The following GNRHR variants were observed in gnomAD, a reference collection of about 807,000 sequenced individuals.
The protein encoded by GNRHR is gonadotropin-releasing hormone receptor.
GNRHR carries 14 observed loss-of-function variants against 28.1 expected under a neutral mutation model. The ratio of observed to expected loss-of-function variants is 0.50; its 90% CI spans 0.33 to 0.78. The LOEUF is 0.78. GNRHR is among the 30% of genes least tolerant of loss of function. The pLI, the probability that GNRHR is intolerant of heterozygous loss-of-function variation, is 0.02. For missense variants in GNRHR, 366 were observed against 382.1 expected, an observed-to-expected ratio of 0.96 and a Z score of 0.35; for synonymous variants, 141 against 140.5, an observed-to-expected ratio of 1.00 and a Z score of -0.02.
At chr4:67,743,186 A>G (rs918704401) in intron 2 of GNRHR, among the ~76,000 whole-genome samples, 3 of 152,128 alleles carry the variant, frequency 2.0e-5, no homozygotes, top group Non-Finnish European at 4.4e-5. Flanking sequence ...TCCTGACTGC[A>G]GGTGGTCCAC....
At chr4:67,752,890 C>G (rs1297760299) in intron 1 of GNRHR, among the ~76,000 whole-genome samples, 3 of 151,924 alleles carry the variant, frequency 2.0e-5, no homozygotes, top group Non-Finnish European at 4.4e-5. Context: ...TTTGGAGGAT[C>G]CTAGTTAATT....
intron 1 of GNRHR, among the ~76,000 whole-genome samples, chr4:67,749,727 C>T (rs540968864): frequency 5.3e-5 from 8 of 151,008 alleles, no homozygotes; most frequent in African/African-American, 1.5e-4. Flanking sequence ...TCCTTCCTTC[C>T]GTCTTTCCCC....
intron 1 of GNRHR, among the ~76,000 whole-genome samples, chr4:67,752,839 TA>T (rs992238642): frequency 4.0e-5 from 6 of 151,552 alleles, no homozygotes; most frequent in Admixed American, 1.3e-4. Flanking sequence ...ATCTGGTCAG[TA>T]AAAAAAAGTC....
intron 1 of GNRHR, among the ~76,000 whole-genome samples, chr4:67,748,623 G>T (rs996473405): frequency 6.6e-6 from 1 of 151,852 alleles, no homozygotes; most frequent in Non-Finnish European, 1.5e-5. Flanking sequence ...GTAGTTAAAA[G>T]AGCTGGCTGC....
At position 67,740,597 on chromosome 4, in the gene GNRHR, A is replaced by G. The variant is rs1731640048; in HGVS notation, c.870T>C (p.Tyr290=). ...TGTTTAACATTTCAGGATCAAACCA[A>G]TACCAAATTCCTAGGACATAGTAGG... ...WTPYYVLGIW[Y]WFDPEMLNRL... Residue 290 remains tyrosine, a synonymous_variant, in exon 3 of 3, where the codon TAT becomes TAC. Coordinates refer to ENST00000226413, the MANE Select transcript of GNRHR (RefSeq NM_000406.3). The G allele has an allele frequency of 6.2e-7, 1 of 1,613,226 alleles. No individual in the cohort carries two copies. Among genetic ancestry groups the G allele is most frequent in the Non-Finnish European group, 8.5e-7 (1 of 1,179,160 alleles).
rs1731919196 is a variant in GNRHR, at chr4:67,753,947, A to C, written c.389T>G (p.Phe130Cys). 1 of 1,613,894 alleles carries C rather than the reference A, an allele frequency of 6.2e-7. No individual in the cohort carries two copies. Among genetic ancestry groups the C allele is most frequent in the African/African-American group, 1.3e-5 (1 of 74,906 alleles). Reference protein sequence around the residue: ...LKLFSMYAPAFMMVVISLDRS... With the variant: ...LKLFSMYAPACMMVVISLDRS... ...GTCCAGGCTGATCACCACCATCATG[A>C]AGGCTGGGGCATACATGGAGAAAAG... is the stretch of plus-strand genomic sequence containing the variant. The change falls in exon 1 of 3, where the codon TTC becomes TGC. Residue 130 changes from phenylalanine (F) to cysteine (C), a missense_variant. Physicochemically the swap from Phe to Cys is radical, Grantham distance 205. Transcript: ENST00000226413.
intron 1 of GNRHR, among the ~76,000 whole-genome samples, chr4:67,747,924 A>T (rs1244164237): frequency 6.6e-6 from 1 of 152,144 alleles, no homozygotes; most frequent in Non-Finnish European, 1.5e-5. Flanking sequence ...ACTTGCCCAT[A>T]AATTAACTTG....
chr4:67,748,646 G>T (rs183397215), intron 1 of GNRHR, among the ~76,000 whole-genome samples: 2 of 151,406 alleles, frequency 1.3e-5, no homozygotes, highest in Admixed American at 6.6e-5. Context: ...CCATTAACTC[G>T]CATGGCACAT....
At position 67,740,621 on chromosome 4, in the gene GNRHR, G is replaced by A; in HGVS notation, c.846C>T (p.Pro282=). ...FATSFTVCWT[P]YYVLGIWYWF... ...AATACCAAATTCCTAGGACATAGTA[G>A]GGAGTCCAGCAGACAGTAAATGAAG... Residue 282 remains proline (P), a synonymous_variant, in exon 3 of 3, where the codon CCC becomes CCT. Coordinates refer to ENST00000226413, the MANE Select transcript of GNRHR (RefSeq NM_000406.3). 1.9e-6 allele frequency: 3 copies of A among 1,612,588 alleles called. No individual in the cohort carries two copies. The highest frequency in any genetic ancestry group is 2.5e-6 in the Non-Finnish European group (3 of 1,178,594).
chr4:67,740,832 A>T, intron 2 of GNRHR, 108 bp from the exon 3 acceptor site: 1 of 772,818 alleles, frequency 1.3e-6, no homozygotes, highest in South Asian at 1.5e-5. Flanking sequence ...AATGGGAGAA[A>T]ATTTCCATTA....
rs1479546313 is a variant in GNRHR at position 67,737,467 on chromosome 4, C to T, written c.*3013G>A. On this transcript the variant is annotated 3_prime_UTR_variant, in exon 3 of 3. Transcript: ENST00000226413. ...CATTGGTTCAATGTAGGAAAGTGGA[C>T]CACAGGTAAAATAGATGGAGTTCTA... Among the ~76,000 whole-genome samples the T allele has an allele frequency of 6.6e-6, 1 of 151,770 alleles. No homozygotes were observed. The highest frequency in any genetic ancestry group is 2.4e-5 in the African/African-American group (1 of 41,366).
chr4:67,744,697 A>G lies in GNRHR; in HGVS notation c.613T>C (p.Trp205Arg), dbSNP rs756066419. The change falls in exon 2 of 3, where the codon TGG becomes CGG. Residue 205 changes from tryptophan to arginine, a missense_variant. Coordinates refer to ENST00000226413, the MANE Select transcript of GNRHR (RefSeq NM_000406.3). ...AAGTTATAAAATGCTTGATGCCACC[A>G]TTGTGAAAAACTGCAGTGTGTTACA... The part of the protein sequence containing the change: ...QCVTHCSFSQ[W>R]WHQAFYNFFT... 81 of 1,611,992 alleles carry G rather than the reference A, an allele frequency of 5.0e-5. 1 individual carries two copies. The South Asian group carries it at 8.7e-4, about 17-fold the overall frequency.
chr4:67,743,599 T>C (rs981640452), intron 2 of GNRHR, among the ~76,000 whole-genome samples: 4 of 152,208 alleles, frequency 2.6e-5, no homozygotes, highest in African/African-American at 9.6e-5. Context: ...TCATAATATT[T>C]ATTGCTTCCT....
Position 67,746,975 on chromosome 4 carries a change from T to C in GNRHR, c.523-2188A>G, listed in dbSNP as rs951210107. ...GCTAATTTTATCTTATGATTCAGAC[T>C]TTTTTCCCACATTACAAAGTGAGAC... On this transcript the variant is annotated intron_variant, in intron 1 of 2. Coordinates refer to ENST00000226413, the MANE Select transcript of GNRHR (RefSeq NM_000406.3). Among the ~76,000 whole-genome samples the C allele has an allele frequency of 4.6e-5, 7 of 152,274 alleles. No homozygotes were observed. In the South Asian group the frequency reaches 1.4e-3, roughly 32 times the overall value.
chr4:67,748,417 G>A (rs1577870170), intron 1 of GNRHR, among the ~76,000 whole-genome samples: 1 of 152,104 alleles, frequency 6.6e-6, no homozygotes, highest in African/African-American at 2.4e-5. Flanking sequence ...TAAAACTTGA[G>A]GCACACAATT....
intron 1 of GNRHR, chr4:67,747,124 A>G (rs944888564): frequency 1.3e-5 from 2 of 152,110 alleles, no homozygotes; most frequent in African/African-American, 4.8e-5. Flanking sequence ...TGAGAATCTT[A>G]TATTTCTTTA....
chr4:67,751,700 A>T (rs1731868610), intron 1 of GNRHR: 1 of 152,244 alleles, frequency 6.6e-6, no homozygotes, highest in Non-Finnish European at 1.5e-5. Context: ...GACTTCTTCT[A>T]AGAAGAATCA....
intron 2 of GNRHR, among the ~76,000 whole-genome samples, chr4:67,741,760 G>C (rs1015550147): frequency 1.3e-5 from 2 of 152,146 alleles, no homozygotes; most frequent in African/African-American, 2.4e-5. Flanking sequence ...GAGTGAGGTG[G>C]TATCACATTG....
intron 1 of GNRHR, among the ~76,000 whole-genome samples, chr4:67,746,369 C>T (rs929896442): frequency 1.3e-5 from 2 of 151,990 alleles, no homozygotes; most frequent in African/African-American, 4.8e-5. Flanking sequence ...CTTTTAAAAA[C>T]ACAAACTGAA....
Sources: gnomAD v4.1 joint callset for allele counts (sites outside exome capture counted in the v4.1 genomes callset) on GRCh38, gnomAD v4.1.1 for gene constraint, MANE v1.5 for transcripts, NCBI Gene and HGNC (gene_info 2026-07-23, HGNC 2026-07-21) for gene names.